Variants in ZNF613 observed in about 807,000 individuals in gnomAD.
ZNF613 encodes zinc finger protein 613.
In ZNF613, 8 loss-of-function variants were observed where a neutral mutation model predicts 14.3. The observed-to-expected ratio is 0.56, with a 90% CI of 0.33 to 1.01. ZNF613 has a LOEUF of 1.01. ZNF613 is among the 50% of genes least tolerant of loss of function. The probability of loss-of-function intolerance (pLI) is 0.03; values close to 1 mark genes in which losing one functional copy is unlikely to be tolerated. For synonymous variants in ZNF613, 228 were observed against 254.5 expected (o/e 0.90, Z 0.99); for missense variants, 656 against 741.9 (o/e 0.88, Z 1.35).
chr19:51,934,828 G>A (rs574019508), intron 2 of ZNF613, among the ~76,000 whole-genome samples: 1 of 152,298 alleles, frequency 6.6e-6, no homozygotes, highest in South Asian at 2.1e-4. Context: ...ACACACCCTG[G>A]ATGTCACTGA....
intron 2 of ZNF613, among the ~76,000 whole-genome samples, chr19:51,932,643 A>G (rs1196884485): frequency 3.3e-5 from 5 of 151,560 alleles, no homozygotes; most frequent in African/African-American, 1.2e-4. Flanking sequence ...TTTTATATAA[A>G]TGAAATCATA....
chr19:51,944,187 C>G lies in ZNF613; in HGVS notation c.304C>G (p.Gln102Glu). 6.3e-7 allele frequency: 1 copy of G among 1,595,240 alleles called. No individual in the cohort carries two copies. The highest frequency in any genetic ancestry group is 1.7e-4 in the Middle Eastern group (1 of 5,970). ...GCAAAGATGTCTGAAGAGAGTGGAA[C>G]AATGCCATAAACATAATGCATTTGG... The part of the protein sequence containing the change: ...QKQRCLKRVE[Q>E]CHKHNAFGNI... The change falls in exon 6 of 6, where the codon CAA (glutamine) becomes GAA (glutamate). Residue 102 changes from glutamine to glutamate, a missense_variant. Physicochemically the swap from Gln to Glu is conservative, Grantham distance 29. Coordinates refer to ENST00000293471, the MANE Select transcript of ZNF613 (RefSeq NM_001031721.4).
intron 2 of ZNF613, among the ~76,000 whole-genome samples, chr19:51,931,885 C>T (rs990404834): frequency 3.3e-5 from 5 of 152,020 alleles, no homozygotes; most frequent in Admixed American, 6.6e-5. Flanking sequence ...CTGAACAAAG[C>T]GGGGCAAACG....
intron 2 of ZNF613, among the ~76,000 whole-genome samples, chr19:51,932,517 G>A (rs141779047): frequency 1.5e-4 from 22 of 151,218 alleles, no homozygotes; most frequent in Non-Finnish European, 2.1e-4. Context: ...GGCTAGTCTC[G>A]AACTCCCGAT....
Position 51,940,719 on chromosome 19 carries a change from G to A in ZNF613, c.235+10G>A, listed in dbSNP as rs1279724354. 6.2e-7 allele frequency: 1 copy of A among 1,606,408 alleles called. No individual in the cohort carries two copies. The highest frequency in any genetic ancestry group is 1.3e-5 in the African/African-American group (1 of 74,542). Reference sequence around the variant, plus strand: ...AGCCAAATCTGTCCAGGTGAGTTCAGGGTGAGAGCCAGCAAGGAGGGTGGC... The same window carrying A: ...AGCCAAATCTGTCCAGGTGAGTTCAAGGTGAGAGCCAGCAAGGAGGGTGGC... On this transcript the variant is annotated intron_variant, in intron 5 of 5. Transcript: ENST00000293471.
At chr19:51,936,757 C>T (rs2085308304) in intron 3 of ZNF613, among the ~76,000 whole-genome samples, 1 of 152,178 alleles carries the variant, frequency 6.6e-6, no homozygotes, top group Non-Finnish European at 1.5e-5. Flanking sequence ...AGTTCTGGGA[C>T]TACAGTTGTG....
chr19:51,929,459 T>G lies in ZNF613; in HGVS notation c.-358-273T>G, dbSNP rs189524166. On this transcript the variant is annotated intron_variant, in intron 1 of 5. Transcript: ENST00000293471. The stretch of plus-strand genomic sequence containing the variant: ...AAATGGTGTGTTTTTAATTTTGACC[T>G]TTCTGTTCTCTTCTAATTTACTCTT... Among the ~76,000 whole-genome samples, 13 of 152,298 alleles carry G rather than the reference T, an allele frequency of 8.5e-5. No homozygotes were observed. In the East Asian group the frequency reaches 2.5e-3, roughly 29 times the overall value.
rs969520178 is a variant in ZNF613, at chr19:51,937,784, C to T, written c.15+1549C>T. On this transcript the variant is annotated intron_variant, in intron 3 of 5. Coordinates refer to ENST00000293471, the MANE Select transcript of ZNF613 (RefSeq NM_001031721.4). Reference sequence around the variant, plus strand: ...TCACTCTGTCATCCAGATTGGAGTGCAGTAGTGCCATCTTGGCCTACCACA... The same window carrying T: ...TCACTCTGTCATCCAGATTGGAGTGTAGTAGTGCCATCTTGGCCTACCACA... Among the ~76,000 whole-genome samples the T allele has an allele frequency of 5.1e-5, 7 of 138,360 alleles. No individual in the cohort carries two copies. In the East Asian group the frequency reaches 1.5e-3, roughly 30 times the overall value. The allele number at this position is 138,360 out of a possible 152,430, so 90.8% of individuals were successfully genotyped here.
rs767457740 is a variant in ZNF613, at chr19:51,940,233, G to T, written c.40G>T (p.Ala14Ser). The T allele has an allele frequency of 6.2e-7, 1 of 1,613,708 alleles. No individual in the cohort carries two copies. Among genetic ancestry groups the T allele is most frequent in the South Asian group, 1.1e-5 (1 of 91,074 alleles). The change falls in exon 4 of 6, where the codon GCT becomes TCT. Residue 14 changes from alanine to serine, a missense_variant. Coordinates refer to ENST00000293471, the MANE Select transcript of ZNF613 (RefSeq NM_001031721.4). Reference sequence around the variant, plus strand: ...GGAATCACTGACCCTGGAGGATGTGGCTGTGGAGTTCACTTGGGAGGAGTG... The same window carrying T: ...GGAATCACTGACCCTGGAGGATGTGTCTGTGGAGTTCACTTGGGAGGAGTG... ...SQESLTLEDV[A>S]VEFTWEEWQL...
chr19:51,944,502 A>G lies in ZNF613; in HGVS notation c.619A>G (p.Thr207Ala), dbSNP rs1400072943. The G allele has an allele frequency of 6.2e-7, 1 of 1,611,696 alleles. No homozygotes were observed. Among genetic ancestry groups the G allele is most frequent in the Non-Finnish European group, 8.5e-7 (1 of 1,178,374 alleles). ...TQNIDKPHVCTECGKAFLKKS... is the reference protein window; with the variant it reads ...TQNIDKPHVCAECGKAFLKKS... ...AAACATAGATAAACCCCATGTATGC[A>G]CTGAGTGTGGGAAGGCTTTCCTCAA... The change falls in exon 6 of 6, where the codon ACT becomes GCT. Residue 207 changes from threonine to alanine, a missense_variant. Transcript: ENST00000293471.
intron 2 of ZNF613, among the ~76,000 whole-genome samples, chr19:51,930,307 G>A (rs527412461): frequency 2.6e-5 from 4 of 151,852 alleles, no homozygotes; most frequent in Middle Eastern, 3.4e-3. Context: ...TGTCACCCAG[G>A]CTAGAATGCA....
chr19:51,934,040 C>T (rs2085287519), intron 2 of ZNF613, among the ~76,000 whole-genome samples: 1 of 152,186 alleles, frequency 6.6e-6, no homozygotes, highest in African/African-American at 2.4e-5. Context: ...CTCAAGTGAT[C>T]CTCTGGCCTC....
chr19:51,943,774 TA>T (rs200548112), intron 5 of ZNF613, among the ~76,000 whole-genome samples: 11,471 of 149,582 alleles, frequency 0.077, 496 homozygotes, highest in South Asian at 0.23. Context: ...GATTACTGTA[TA>T]TTTATAAAAG....
At chr19:51,939,009 C>T (rs7246064) in intron 3 of ZNF613, among the ~76,000 whole-genome samples, 36,604 of 151,184 alleles carry the variant, frequency 0.24, 6,460 homozygotes, top group African/African-American at 0.5. Flanking sequence ...GACGTATCTG[C>T]CTTAGCCCTT....
Position 51,945,298 on chromosome 19 carries a change from T to C in ZNF613, c.1415T>C (p.Ile472Thr). 1 of 1,612,898 alleles carries C rather than the reference T, an allele frequency of 6.2e-7. No homozygotes were observed. Among genetic ancestry groups the C allele is most frequent in the Non-Finnish European group, 8.5e-7 (1 of 1,179,610 alleles). ...GKSCSHKSGL[I>T]NHQRIHTGEK... ...TCCTGCTCACACAAGTCAGGTCTCA[T>C]TAACCACCAGAGAATTCACACAGGA... The change falls in exon 6 of 6, where the codon ATT becomes ACT. Residue 472 changes from isoleucine to threonine, a missense_variant. By Grantham distance (89) the Ile-to-Thr change is moderately conservative. Coordinates refer to ENST00000293471, the MANE Select transcript of ZNF613 (RefSeq NM_001031721.4).
rs8107894 is a variant in ZNF613, at chr19:51,940,642, A to C, written c.168A>C (p.Ala56=). 6.2e-7 allele frequency: 1 copy of C among 1,613,234 alleles called. No individual in the cohort carries two copies. Among genetic ancestry groups the C allele is most frequent in the Non-Finnish European group, 8.5e-7 (1 of 1,179,670 alleles). Reference sequence around the variant, plus strand: ...GGTATCAAGCCAGCAAACCAGATGCACTCTTCAAGTTGGAACAAGGAGAGC... The same window carrying C: ...GGTATCAAGCCAGCAAACCAGATGCCCTCTTCAAGTTGGAACAAGGAGAGC... ...SVGYQASKPD[A]LFKLEQGEPW... is the part of the protein sequence containing the mutation. The change falls in exon 5 of 6, where the codon GCA becomes GCC. Residue 56 remains alanine (A), a synonymous_variant. Coordinates refer to ENST00000293471, the MANE Select transcript of ZNF613 (RefSeq NM_001031721.4).
At chr19:51,942,447 C>A (rs1467803881) in intron 5 of ZNF613, among the ~76,000 whole-genome samples, 1 of 152,098 alleles carries the variant, frequency 6.6e-6, no homozygotes, top group Admixed American at 6.5e-5. Flanking sequence ...TGGTCAGATG[C>A]CTTTGAGCAG....
chr19:51,933,952 C>T (rs920071569), intron 2 of ZNF613, among the ~76,000 whole-genome samples: 4 of 152,122 alleles, frequency 2.6e-5, no homozygotes, highest in Admixed American at 1.3e-4. Flanking sequence ...ACATGTGCCA[C>T]CACACCTGGC....
At chr19:51,929,997 C>G (rs2085251060) in intron 2 of ZNF613, 101 bp downstream of exon 2, 1 of 152,108 alleles carries the variant, frequency 6.6e-6, no homozygotes, top group African/African-American at 2.4e-5. Flanking sequence ...TCTATTAGTC[C>G]CATACTGTAT....
Sources: gnomAD v4.1 joint callset for allele counts (sites outside exome capture counted in the v4.1 genomes callset) on GRCh38, gnomAD v4.1.1 for gene constraint, MANE v1.5 for transcripts, NCBI Gene and HGNC (gene_info 2026-07-23, HGNC 2026-07-21) for gene names.